Variants in EPHB1 observed in about 807,000 individuals in gnomAD.
EPHB1 encodes the protein ephrin type-B receptor 1.
Under a neutral mutation model 94.4 loss-of-function variants are expected in EPHB1, and 30 were observed. The observed-to-expected ratio is 0.32, with a 90% CI of 0.24 to 0.43. The LOEUF is 0.43. Among genes scored for constraint, EPHB1 ranks in the 20% least tolerant of loss-of-function variants. The pLI, the probability that EPHB1 is intolerant of heterozygous loss-of-function variation, is 1.00. For synonymous variants in EPHB1, 522 were observed against 489.1 expected (o/e 1.07, Z -0.89); for missense variants, 1,055 against 1,308.3 (o/e 0.81, Z 2.99).
Position 135,241,179 on chromosome 3 carries a change from CA to C in EPHB1, c.2379del (p.Glu794ArgfsTer85). 1 of 1,614,170 alleles carries C rather than the reference CA, an allele frequency of 6.2e-7. No individual in the cohort carries two copies. The highest frequency in any genetic ancestry group is 1.1e-5 in the South Asian group (1 of 91,086). ...GGKIPVRWTAPEAIAYRKFTS... is the reference protein window; with the variant it reads ...GGKIPVRWTAXEAIAYRKFTS... ...AAGATCCCTGTGAGATGGACAGCTC[CA>C]GAGGCCATCGCCTACCGCAAGTTCA... On this transcript the variant is annotated frameshift_variant, in exon 13 of 16. Coordinates refer to ENST00000398015, the MANE Select transcript of EPHB1 (RefSeq NM_004441.5). LOFTEE classifies it high-confidence loss of function.
intron 3 of EPHB1, among the ~76,000 whole-genome samples, chr3:134,975,911 A>G (rs1578246701): frequency 6.6e-6 from 1 of 152,068 alleles, no homozygotes; most frequent in East Asian, 1.9e-4. Flanking sequence ...AAACAGAATC[A>G]AGCCACTAGA....
At chr3:135,185,047 T>C (rs75970707) in intron 10 of EPHB1, among the ~76,000 whole-genome samples, 7,418 of 152,294 alleles carry the variant, frequency 0.049, 216 homozygotes, top group Middle Eastern at 0.12. Flanking sequence ...AAGGTGTCAC[T>C]AGAAGTTGTT....
At position 135,104,890 on chromosome 3, in the gene EPHB1, C is replaced by T. The variant is rs188189178; in HGVS notation, c.806-1558C>T. 2.6e-5 allele frequency among the ~76,000 whole-genome samples: 4 copies of T among 152,334 alleles called. No homozygotes were observed. The East Asian group carries it at 7.7e-4, about 29-fold the overall frequency. On this transcript the variant is annotated intron_variant, in intron 3 of 15. Transcript: ENST00000398015. ...CAATGGAGTGAGATAACTTTCACAG[C>T]ATAGGAAACAATTCTTTCTTCTTGT...
At chr3:134,851,913 C>T (rs2036993578) in intron 1 of EPHB1, among the ~76,000 whole-genome samples, 1 of 152,148 alleles carries the variant, frequency 6.6e-6, no homozygotes, top group African/African-American at 2.4e-5. Context: ...CCCTGGAGGC[C>T]TGGTGTGCTT....
chr3:134,814,335 G>A (rs975404556), intron 1 of EPHB1, among the ~76,000 whole-genome samples: 1 of 152,180 alleles, frequency 6.6e-6, no homozygotes, highest in Admixed American at 6.5e-5. Context: ...GGAGAGTGAT[G>A]AGGATGCATA....
At chr3:135,037,875 T>C (rs1262919850) in intron 3 of EPHB1, among the ~76,000 whole-genome samples, 1 of 152,246 alleles carries the variant, frequency 6.6e-6, no homozygotes, top group Non-Finnish European at 1.5e-5. Flanking sequence ...CACTGACTGG[T>C]TAAATGACTT....
intron 3 of EPHB1, among the ~76,000 whole-genome samples, chr3:134,987,651 G>T (rs965444532): frequency 7.2e-5 from 11 of 152,262 alleles, no homozygotes; most frequent in Non-Finnish European, 1.5e-4. Flanking sequence ...CGCGCTTGTA[G>T]TCCCAGTTAC....
intron 9 of EPHB1, among the ~76,000 whole-genome samples, chr3:135,171,967 G>C (rs1197567287): frequency 6.6e-6 from 1 of 152,118 alleles, no homozygotes; most frequent in African/African-American, 2.4e-5. Context: ...TCTCGATAAG[G>C]GTTCAGATCA....
In EPHB1 at chr3:134,795,265, G is replaced by C. The variant is rs1332480739; in HGVS notation, c.-367G>C. On this transcript the variant is annotated 5_prime_UTR_variant, in exon 1 of 16. Transcript: ENST00000398015. ...ATCCCGCTCCCTCCCGCGTCAGTCT[G>C]GCCGGCTCCGTCCTCCCGTAGGCTC... 1.8e-5 allele frequency: 7 copies of C among 379,784 alleles called. No homozygotes were observed. Among genetic ancestry groups the C allele is most frequent in the Non-Finnish European group, 3.3e-5 (7 of 210,814 alleles). The allele number at this position is 379,784 out of a possible 1,614,324, so 23.5% of individuals were successfully genotyped here.
rs774714335 is a variant in EPHB1 at position 134,951,842 on chromosome 3, A to G, written c.595A>G (p.Ile199Val). 5 of 1,614,008 alleles carry G rather than the reference A, an allele frequency of 3.1e-6. No homozygotes were observed. The South Asian group carries it at 5.5e-5, about 18-fold the overall frequency. The change falls in exon 3 of 16, where the codon ATT becomes GTT. Residue 199 changes from isoleucine to valine, a missense_variant. Transcript: ENST00000398015. This position sits in a 1 kb window ranked among gnomAD's most constrained non-coding sequence, Gnocchi z 4.5. Reference sequence around the variant, plus strand: ...TGTCTTCTTCAAAAAGTGTCCCAGCATTGTGCAAAATTTTGCAGTGTTTCC... The same window carrying G: ...TGTCTTCTTCAAAAAGTGTCCCAGCGTTGTGCAAAATTTTGCAGTGTTTCC... ...VRVFFKKCPSIVQNFAVFPET... is the reference protein window; with the variant it reads ...VRVFFKKCPSVVQNFAVFPET...
intron 10 of EPHB1, among the ~76,000 whole-genome samples, chr3:135,183,697 G>C (rs1239757448): frequency 6.6e-6 from 1 of 152,174 alleles, no homozygotes; most frequent in Admixed American, 6.5e-5. Context: ...AGGGAACAAA[G>C]TGGCCTCTGA....
At chr3:135,246,290 C>G (rs745323761) in intron 13 of EPHB1, among the ~76,000 whole-genome samples, 4 of 152,062 alleles carry the variant, frequency 2.6e-5, no homozygotes, top group African/African-American at 9.7e-5. Context: ...ATGGGTAATC[C>G]CACTTGGAGA....
chr3:134,974,077 A>C (rs1280600644), intron 3 of EPHB1, among the ~76,000 whole-genome samples: 1 of 152,104 alleles, frequency 6.6e-6, no homozygotes, highest in East Asian at 1.9e-4. Flanking sequence ...GGGCTGGAGG[A>C]ATATCCCATT....
chr3:135,074,564 C>T (rs60139316), intron 3 of EPHB1, among the ~76,000 whole-genome samples: 13,460 of 152,178 alleles, frequency 0.088, 786 homozygotes, highest in African/African-American at 0.17. Context: ...CTAAACACAC[C>T]ATTTTCAGTT....
chr3:134,995,277 A>C (rs1436132888), intron 3 of EPHB1, among the ~76,000 whole-genome samples: 1 of 152,018 alleles, frequency 6.6e-6, no homozygotes, highest in Admixed American at 6.5e-5. Context: ...ACATAATCTC[A>C]ACCTGGATGG....
intron 5 of EPHB1, among the ~76,000 whole-genome samples, chr3:135,142,377 G>C (rs1248343535): frequency 6.6e-6 from 1 of 152,126 alleles, no homozygotes; most frequent in East Asian, 1.9e-4. Context: ...GGGACAGCAG[G>C]CCCTACAAGA....
At chr3:135,050,350 G>A (rs944360866) in intron 3 of EPHB1, among the ~76,000 whole-genome samples, 9 of 152,208 alleles carry the variant, frequency 5.9e-5, no homozygotes, top group African/African-American at 1.9e-4. Flanking sequence ...AAATGGTAAG[G>A]ACATAATGTA....
intron 3 of EPHB1, among the ~76,000 whole-genome samples, chr3:134,966,434 A>G (rs933802344): frequency 6.6e-6 from 1 of 152,216 alleles, no homozygotes; most frequent in Non-Finnish European, 1.5e-5. Flanking sequence ...GAAATGACAG[A>G]GAGTTTCTTG....
At chr3:135,002,139 G>T (rs1214503092) in intron 3 of EPHB1, among the ~76,000 whole-genome samples, 1 of 152,192 alleles carries the variant, frequency 6.6e-6, no homozygotes, top group Non-Finnish European at 1.5e-5. Context: ...GATGGACCTT[G>T]AAAACAATAT....
Sources: gnomAD v4.1 joint callset for allele counts (sites outside exome capture counted in the v4.1 genomes callset) on GRCh38, gnomAD v4.1.1 for gene constraint, Gnocchi (gnomAD v3.1) non-coding constraint, MANE v1.5 for transcripts, NCBI Gene and HGNC (gene_info 2026-07-23, HGNC 2026-07-21) for gene names.